The following RNGTT variants were observed in gnomAD, a reference collection of about 807,000 sequenced individuals.
RNGTT encodes RNA guanylyltransferase and 5'-phosphatase.
In RNGTT, 33 loss-of-function variants were observed where a neutral mutation model predicts 79.3. That is an observed-to-expected ratio of 0.42 (90% confidence interval 0.32 to 0.56). The LOEUF is 0.56. Ranked by LOEUF, RNGTT falls within the 20% of genes least tolerant of loss-of-function variation. The probability of loss-of-function intolerance (pLI) is 0.17; values close to 1 mark genes in which losing one functional copy is unlikely to be tolerated. For synonymous variants in RNGTT, 222 were observed against 235.9 expected (o/e 0.94, Z 0.54); for missense variants, 497 against 739.1 (o/e 0.67, Z 3.80).
intron 14 of RNGTT, among the ~76,000 whole-genome samples, chr6:88,624,568 C>CA (rs1772558096): frequency 6.6e-6 from 1 of 151,766 alleles, no homozygotes; most frequent in African/African-American, 2.4e-5. Context: ...TCACATTACA[C>CA]AAAAATCAAA....
At chr6:88,851,166 G>A (rs1262086567) in intron 9 of RNGTT, among the ~76,000 whole-genome samples, 2 of 149,476 alleles carry the variant, frequency 1.3e-5, no homozygotes, top group African/African-American at 4.9e-5. Context: ...TATGTAAATT[G>A]TATCTCAATT....
chr6:88,668,679 C>A (rs1266240598), intron 14 of RNGTT, among the ~76,000 whole-genome samples: 2 of 152,124 alleles, frequency 1.3e-5, no homozygotes, highest in East Asian at 3.9e-4. Flanking sequence ...GTCTGAGCCT[C>A]CTATGACCAC....
chr6:88,874,013 C>T lies in RNGTT; in HGVS notation c.896+16482G>A, dbSNP rs139228637. On this transcript the variant is annotated intron_variant, in intron 8 of 15. Transcript: ENST00000369485. ...ATACTAGTAAATAAATCTCATGAAT[C>T]AACCAGTTCTGTATATAAGAAGCCT... Among the ~76,000 whole-genome samples, 286 of 152,228 alleles carry T rather than the reference C, an allele frequency of 1.9e-3. 1 individual carries two copies. Among genetic ancestry groups the T allele is most frequent in the Middle Eastern group, 6.8e-3 (2 of 294 alleles).
At chr6:88,923,159 A>G (rs547150232) in intron 4 of RNGTT, among the ~76,000 whole-genome samples, 1 of 152,370 alleles carries the variant, frequency 6.6e-6, no homozygotes, top group Non-Finnish European at 1.5e-5. Flanking sequence ...TGGTACTAAC[A>G]TAAGTGGGTT....
intron 14 of RNGTT, among the ~76,000 whole-genome samples, chr6:88,674,427 T>C (rs1302226497): frequency 1.3e-5 from 2 of 151,936 alleles, no homozygotes; most frequent in Non-Finnish European, 2.9e-5. Context: ...TAGTTCCAGC[T>C]ACCTGGGAGA....
At chr6:88,771,336 T>C (rs759003035) in intron 12 of RNGTT, among the ~76,000 whole-genome samples, 10,428 of 118,214 alleles carry the variant, frequency 0.088, 677 homozygotes, top group Middle Eastern at 0.19. Flanking sequence ...TATATATATA[T>C]ATATATATAT....
At chr6:88,758,724 A>G (rs1363225060) in intron 13 of RNGTT, among the ~76,000 whole-genome samples, 1 of 152,172 alleles carries the variant, frequency 6.6e-6, no homozygotes, top group Admixed American at 6.5e-5. Context: ...GGGTTGTCCA[A>G]TTTCTCAACT....
In RNGTT at chr6:88,706,252, A is replaced by C. The variant is rs2127804616; in HGVS notation, c.1440-27833T>G. Among the ~76,000 whole-genome samples, 5 of 152,210 alleles carry C rather than the reference A, an allele frequency of 3.3e-5. No homozygotes were observed. The South Asian group carries it at 1.0e-3, about 32-fold the overall frequency. ...AAGTGCTTTTTTTTGGTAGAAAAGA[A>C]ATAACTCTGTATTTGGTGGTAAAAT... On this transcript the variant is annotated intron_variant, in intron 13 of 15. Transcript: ENST00000369485.
intron 14 of RNGTT, among the ~76,000 whole-genome samples, chr6:88,645,386 C>A (rs1255033721): frequency 6.6e-6 from 1 of 152,184 alleles, no homozygotes; most frequent in African/African-American, 2.4e-5. Flanking sequence ...ATTCCATGCT[C>A]ATGGGTAGGA....
At position 88,611,392 on chromosome 6, in the gene RNGTT, T is replaced by C. The variant is rs939251821; in HGVS notation, c.*1327A>G. 2.0e-5 allele frequency: 3 copies of C among 152,342 alleles called. No individual in the cohort carries two copies. The highest frequency in any genetic ancestry group is 4.4e-5 in the Non-Finnish European group (3 of 68,042). 9.4% of individuals were successfully genotyped at this position (152,342 alleles called of 1,614,324 possible). On this transcript the variant is annotated 3_prime_UTR_variant, in exon 16 of 16. Coordinates refer to ENST00000369485, the MANE Select transcript of RNGTT (RefSeq NM_003800.5). ...GCATTTACATATACAATTCAGACCA[T>C]GAAAATTTGTTTTAAATACATTTAC...
At chr6:88,739,902 A>C (rs1180071562) in intron 13 of RNGTT, among the ~76,000 whole-genome samples, 1 of 151,542 alleles carries the variant, frequency 6.6e-6, no homozygotes, top group African/African-American at 2.4e-5. Flanking sequence ...AATTTATGGA[A>C]TAGCAGAATT....
chr6:88,903,108 C>G (rs775422632), intron 6 of RNGTT, among the ~76,000 whole-genome samples: 14 of 152,134 alleles, frequency 9.2e-5, no homozygotes, highest in African/African-American at 3.4e-4. Context: ...AAGGAACATA[C>G]CACTAGTGGC....
intron 4 of RNGTT, among the ~76,000 whole-genome samples, chr6:88,918,563 T>A (rs1320021965): frequency 6.6e-6 from 1 of 152,058 alleles, no homozygotes; most frequent in South Asian, 2.1e-4. Context: ...TTGACAATAA[T>A]AGAAACGATA....
intron 14 of RNGTT, among the ~76,000 whole-genome samples, chr6:88,638,624 T>A (rs1773190298): frequency 6.6e-6 from 1 of 152,174 alleles, no homozygotes; most frequent in Non-Finnish European, 1.5e-5. Flanking sequence ...GGCATCTTAA[T>A]CATGAATGTA....
intron 4 of RNGTT, among the ~76,000 whole-genome samples, chr6:88,927,662 CA>C (rs35564169): frequency 0.63 from 86,295 of 136,584 alleles, 27,802 homozygotes; most frequent in African/African-American, 0.83. Flanking sequence ...AACTCCATCT[CA>C]AAAAAAAAAA....
intron 13 of RNGTT, among the ~76,000 whole-genome samples, chr6:88,704,466 A>G (rs1473636047): frequency 2.6e-5 from 4 of 152,124 alleles, no homozygotes; most frequent in East Asian, 3.9e-4. Context: ...TGATCAAGAC[A>G]GGAGTGAATC....
intron 12 of RNGTT, among the ~76,000 whole-genome samples, chr6:88,773,322 G>A (rs1208973722): frequency 1.7e-4 from 21 of 123,608 alleles, no homozygotes; most frequent in African/African-American, 6.3e-4. Context: ...GACTGTTGTG[G>A]GGTGGGGGGA....
chr6:88,687,494 T>C (rs1359075730), intron 13 of RNGTT, among the ~76,000 whole-genome samples: 1 of 152,190 alleles, frequency 6.6e-6, no homozygotes, highest in African/African-American at 2.4e-5. Flanking sequence ...TGCAGCACTG[T>C]TTGCAGTTGC....
chr6:88,929,564 C>A (rs1023781551), intron 2 of RNGTT, among the ~76,000 whole-genome samples: 1 of 152,052 alleles, frequency 6.6e-6, no homozygotes, highest in Non-Finnish European at 1.5e-5. Flanking sequence ...AGAGAAAATG[C>A]TAGAGTTTTC....
Sources: gnomAD v4.1 joint callset for allele counts (sites outside exome capture counted in the v4.1 genomes callset) on GRCh38, gnomAD v4.1.1 for gene constraint, MANE v1.5 for transcripts, NCBI Gene and HGNC (gene_info 2026-07-23, HGNC 2026-07-21) for gene names.